FLT1: variants seen among roughly 807,000 people sequenced by gnomAD.
FLT1 encodes fms related receptor tyrosine kinase 1, also known as vascular endothelial growth factor receptor 1.
FLT1 carries 49 observed loss-of-function variants against 156.3 expected under a neutral mutation model. The ratio of observed to expected loss-of-function variants is 0.31; its 90% confidence interval spans 0.25 to 0.40. The LOEUF is 0.40. Among genes scored for constraint, FLT1 ranks in the 10% least tolerant of loss-of-function variants. FLT1 has a pLI of 1.00. For missense variants in FLT1, 1,322 were observed against 1,637.2 expected, an observed-to-expected ratio of 0.81 and a Z score of 3.32; for synonymous variants, 594 against 583.8, an observed-to-expected ratio of 1.02 and a Z score of -0.25.
chr13:28,318,754 C>A (rs185028588), intron 24 of FLT1, among the ~76,000 whole-genome samples: 3 of 152,124 alleles, frequency 2.0e-5, no homozygotes, highest in African/African-American at 7.2e-5. Flanking sequence ...AGACTCTTGG[C>A]GAGAACTTGA....
At chr13:28,382,040 G>A (rs749853623) in intron 14 of FLT1, among the ~76,000 whole-genome samples, 1 of 152,158 alleles carries the variant, frequency 6.6e-6, no homozygotes, top group Non-Finnish European at 1.5e-5. Flanking sequence ...AGACATATAT[G>A]AACTGGTGAT....
intron 1 of FLT1, among the ~76,000 whole-genome samples, chr13:28,482,168 A>C (rs674834): frequency 0.054 from 8,176 of 152,192 alleles, 570 homozygotes; most frequent in African/African-American, 0.15. Flanking sequence ...GAAAATACAG[A>C]CCTCGCCGGG....
At chr13:28,397,336 A>G (rs950926635) in intron 11 of FLT1, among the ~76,000 whole-genome samples, 1 of 152,116 alleles carries the variant, frequency 6.6e-6, no homozygotes, top group Admixed American at 6.5e-5. Context: ...CTGCTGGCGT[A>G]ACAATTACAG....
In FLT1 at chr13:28,311,670, T is replaced by G; in HGVS notation, c.3555A>C (p.Ser1185=). 6.2e-7 allele frequency: 1 copy of G among 1,613,802 alleles called. No individual in the cohort carries two copies. Among genetic ancestry groups the G allele is most frequent in the Non-Finnish European group, 8.5e-7 (1 of 1,179,724 alleles). The change falls in exon 27 of 30, where the codon TCA becomes TCC. Residue 1185 remains serine, a synonymous_variant. Transcript: ENST00000282397. Reference sequence around the variant, plus strand: ...AGAAGTCCTCAGAGAAGGCAGGAGTTGAGTATGTAAACCCACTATTTCCTG... The same window carrying G: ...AGAAGTCCTCAGAGAAGGCAGGAGTGGAGTATGTAAACCCACTATTTCCTG... ...ILTGNSGFTY[S]TPAFSEDFFK...
rs149386538 is a variant in FLT1, at chr13:28,425,878, T to A, written c.1436+1281A>T. Among the ~76,000 whole-genome samples the A allele has an allele frequency of 3.6e-3, 545 of 152,308 alleles. 4 individuals are homozygous for A. Among genetic ancestry groups the A allele is most frequent in the African/African-American group, 0.013 (527 of 41,570 alleles). On this transcript the variant is annotated intron_variant, in intron 10 of 29. Transcript: ENST00000282397. ...TGTCTTATGTGTTAAACATTCACAG[T>A]GGTAAAGAAGATATTTAAGATTTGT...
At chr13:28,380,092 A>C (rs989936962) in intron 14 of FLT1, among the ~76,000 whole-genome samples, 1 of 152,200 alleles carries the variant, frequency 6.6e-6, no homozygotes. Flanking sequence ...GTGCACCTCA[A>C]GTATCTAAAG....
chr13:28,453,213 T>G (rs1879080407), intron 3 of FLT1, among the ~76,000 whole-genome samples: 1 of 150,674 alleles, frequency 6.6e-6, no homozygotes, highest in Admixed American at 6.7e-5. Context: ...AAGCTTTACC[T>G]CCTGGGTTCA....
intron 17 of FLT1, among the ~76,000 whole-genome samples, chr13:28,337,191 G>A (rs1246361427): frequency 6.6e-6 from 1 of 151,064 alleles, no homozygotes; most frequent in Non-Finnish European, 1.5e-5. Context: ...TGGATTTCAG[G>A]AATTTTAATG....
chr13:28,309,501 C>T (rs2138810700), intron 27 of FLT1, among the ~76,000 whole-genome samples: 1 of 152,160 alleles, frequency 6.6e-6, no homozygotes, highest in African/African-American at 2.4e-5. Context: ...TGGAGACATC[C>T]ACTCTGTGGT....
rs754895045 is a variant in FLT1 at position 28,300,516 on chromosome 13, T to TACACCCACACACCCAC, written c.*2650_*2651insGTGGGTGTGTGGGTGT. Reference sequence around the variant, plus strand: ...TAAATAGTTATGCACAAAACACACATACACCCACACACACACACACACACA... The same window carrying TACACCCACACACCCAC: ...TAAATAGTTATGCACAAAACACACATACACCCACACACCCACACACCCACACACACACACACACACA... On this transcript the variant is annotated 3_prime_UTR_variant, in exon 30 of 30. Transcript: ENST00000282397. The TACACCCACACACCCAC allele has an allele frequency of 4.1e-4, 71 of 171,588 alleles. No individual in the cohort carries two copies. Among genetic ancestry groups the TACACCCACACACCCAC allele is most frequent in the African/African-American group, 2.1e-3 (70 of 33,334 alleles). 10.6% of individuals were successfully genotyped at this position (171,588 alleles called of 1,614,324 possible). A position where few individuals can be genotyped will look rare whatever the true frequency, so the allele number is the denominator to read the frequency against.
chr13:28,309,834 T>A (rs1037762175), intron 27 of FLT1, among the ~76,000 whole-genome samples: 2 of 151,308 alleles, frequency 1.3e-5, no homozygotes, highest in African/African-American at 4.8e-5. Context: ...ATTTGCCCAC[T>A]GGGTTTCTTT....
chr13:28,336,944 C>T (rs768708331), intron 17 of FLT1, among the ~76,000 whole-genome samples: 44 of 151,844 alleles, frequency 2.9e-4, no homozygotes, highest in Non-Finnish European at 4.7e-4. Flanking sequence ...GACAGGGTTT[C>T]GCCATGTTGG....
chr13:28,427,170 A>G lies in FLT1; in HGVS notation c.1425T>C (p.His475=). The change falls in exon 10 of 30, where the codon CAT becomes CAC. Residue 475 remains histidine, a synonymous_variant. Coordinates refer to ENST00000282397, the MANE Select transcript of FLT1 (RefSeq NM_002019.4). The part of the protein sequence containing the change: ...KWFWHPCNHN[H]SEARCDFCSN... Reference sequence around the variant, plus strand: ...CTGACTGTCCCTACCTTGCTTCGGAATGATTATGGTTACAGGGGTGCCAGA... The same window carrying G: ...CTGACTGTCCCTACCTTGCTTCGGAGTGATTATGGTTACAGGGGTGCCAGA... 2 of 1,614,016 alleles carry G rather than the reference A, an allele frequency of 1.2e-6. No individual in the cohort carries two copies. The highest frequency in any genetic ancestry group is 1.3e-5 in the African/African-American group (1 of 75,026).
At chr13:28,313,808 C>T (rs550139192) in intron 25 of FLT1, among the ~76,000 whole-genome samples, 1 of 151,496 alleles carries the variant, frequency 6.6e-6, no homozygotes, top group Non-Finnish European at 1.5e-5. Context: ...GCCAATGGCT[C>T]CAGATATCTC....
rs371852035 is a variant in FLT1 at position 28,322,934 on chromosome 13, G to A, written c.2809C>T (p.His937Tyr). 1 of 1,614,100 alleles carries A rather than the reference G, an allele frequency of 6.2e-7. No homozygotes were observed. The highest frequency in any genetic ancestry group is 8.5e-7 in the Non-Finnish European group (1 of 1,180,030). Residue 937 changes from histidine (H) to tyrosine (Y), a missense_variant, in exon 21 of 30, where the codon CAC becomes TAC. Physicochemically the swap from His to Tyr is moderately conservative, Grantham distance 83 (BLOSUM62 2). Transcript: ENST00000282397. This position sits in a 1 kb window ranked among gnomAD's most constrained non-coding sequence, Gnocchi z 4.3. ...LFFLNKDAAL[H>Y]MEPKKEKMEP... ...ATTTTTTCTTTCTTAGGCTCCATGT[G>A]TAGTGCTGCATCCTTTGAAGAGACC...
At chr13:28,444,071 GC>G in intron 3 of FLT1, among the ~76,000 whole-genome samples, 1 of 152,114 alleles carries the variant, frequency 6.6e-6, no homozygotes, top group East Asian at 1.9e-4. Flanking sequence ...CACACAGGAA[GC>G]AAAACCTGAC....
chr13:28,488,228 T>A (rs1337274843), intron 1 of FLT1, among the ~76,000 whole-genome samples: 1 of 152,058 alleles, frequency 6.6e-6, no homozygotes, highest in Non-Finnish European at 1.5e-5. Context: ...CAAAACCCTG[T>A]CTCTACAAAA....
At chr13:28,426,404 A>G (rs1189492297) in intron 10 of FLT1, among the ~76,000 whole-genome samples, 1 of 152,202 alleles carries the variant, frequency 6.6e-6, no homozygotes, top group Non-Finnish European at 1.5e-5. Flanking sequence ...AGCAGAGGGT[A>G]GGGATGTATT....
At position 28,473,721 on chromosome 13, in the gene FLT1, AGAAAGAAAGAAGGAAGGAAG is replaced by A. The variant is rs1205851873; in HGVS notation, c.65-6124_65-6105del. On this transcript the variant is annotated intron_variant, in intron 1 of 29. Transcript: ENST00000282397. Reference sequence around the variant, plus strand: ...AGAAAAGAAAGAAAGAAAGAAAGAAAGAAAGAAAGAAGGAAGGAAGGAAGGAAGGAAGGAAGGAAGGAAGG... The same window carrying A: ...AGAAAAGAAAGAAAGAAAGAAAGAAAGAAGGAAGGAAGGAAGGAAGGAAGG... 2.2e-3 allele frequency among the ~76,000 whole-genome samples: 189 copies of A among 84,330 alleles called. 3 individuals are homozygous for A. The highest frequency in any genetic ancestry group is 0.01 in the African/African-American group (175 of 16,876). The allele number at this position is 84,330 out of a possible 152,430, so 55.3% of individuals were successfully genotyped here.
Sources: allele counts gnomAD v4.1 joint callset (sites outside exome capture counted in the v4.1 genomes callset), GRCh38; gene constraint gnomAD v4.1.1; non-coding constraint Gnocchi (gnomAD v3.1); transcripts MANE v1.5; gene names NCBI Gene and HGNC (gene_info 2026-07-23, HGNC 2026-07-21).